OSBP2: variants seen among roughly 807,000 people sequenced by gnomAD.
OSBP2 encodes the protein oxysterol-binding protein 2.
A neutral mutation model predicts 96.0 loss-of-function variants in OSBP2; 66 were observed. The observed-to-expected ratio is 0.69, with a 90% CI of 0.56 to 0.84. OSBP2 has a LOEUF of 0.84. Ranked by LOEUF, OSBP2 falls within the 40% of genes least tolerant of loss-of-function variation. The probability of loss-of-function intolerance (pLI) is 0.00; values close to 1 mark genes in which losing one functional copy is unlikely to be tolerated. For synonymous variants in OSBP2, 525 were observed against 520.9 expected (o/e 1.01, Z -0.11); for missense variants, 1,038 against 1,222.7 (o/e 0.85, Z 2.25).
At chr22:30,696,426 A>C (rs964042993) in intron 1 of OSBP2, among the ~76,000 whole-genome samples, 2 of 152,130 alleles carry the variant, frequency 1.3e-5, no homozygotes, top group African/African-American at 4.8e-5. Flanking sequence ...GGGCCTCCCC[A>C]ATGAATTTCT....
At position 30,905,974 on chromosome 22, in the gene OSBP2, A is replaced by G. The variant is rs1429816607; in HGVS notation, c.2513A>G (p.Asn838Ser). The G allele has an allele frequency of 1.2e-6, 2 of 1,607,968 alleles. No individual in the cohort carries two copies. The highest frequency in any genetic ancestry group is 1.7e-5 in the Admixed American group (1 of 59,158). The change falls in exon 13 of 14, where the codon AAT becomes AGT. Residue 838 changes from asparagine to serine, a missense_variant. Transcript: ENST00000332585. ...LMEKGRWDEA[N>S]TEKQRLEEKQ... is the part of the protein sequence containing the mutation. The stretch of plus-strand genomic sequence containing the variant: ...GAGAAGGGCCGTTGGGACGAGGCCA[A>G]TACCGAGAAGCAGCGGCTGGAGGAG...
intron 1 of OSBP2, among the ~76,000 whole-genome samples, chr22:30,697,581 CA>C (rs1367134266): frequency 6.6e-6 from 1 of 152,220 alleles, no homozygotes; most frequent in Admixed American, 6.5e-5. Context: ...GTTGACATTT[CA>C]GAGTGATCTC....
chr22:30,778,523 G>A (rs1370036923), intron 2 of OSBP2, among the ~76,000 whole-genome samples: 1 of 152,102 alleles, frequency 6.6e-6, no homozygotes, highest in Admixed American at 6.6e-5. Flanking sequence ...GTTATGGCCT[G>A]TTATAACACC....
rs371575737 is a variant in OSBP2, at chr22:30,718,074, T to A, written c.644+22521T>A. ...AGCTAGGAGGTGTGTCTTCCTGTTG[T>A]GATGGCAGAAGTACAGGAGGGTAAT... On this transcript the variant is annotated intron_variant, in intron 1 of 13. Transcript: ENST00000332585. Among the ~76,000 whole-genome samples the A allele has an allele frequency of 5.9e-5, 9 of 152,258 alleles. No homozygotes were observed. In the South Asian group the frequency reaches 1.9e-3, roughly 32 times the overall value.
intron 2 of OSBP2, among the ~76,000 whole-genome samples, chr22:30,749,726 A>G (rs2090049813): frequency 6.6e-6 from 1 of 151,182 alleles, no homozygotes; most frequent in South Asian, 2.1e-4. Context: ...TCCTGCCTCA[A>G]CCCTCCAAGT....
At chr22:30,869,375 C>A (rs2039412841) in intron 2 of OSBP2, among the ~76,000 whole-genome samples, 1 of 152,364 alleles carries the variant, frequency 6.6e-6, no homozygotes, top group South Asian at 2.1e-4. Flanking sequence ...CCCTGCAAGG[C>A]CATTGAGGGG....
intron 12 of OSBP2, among the ~76,000 whole-genome samples, chr22:30,897,231 A>C (rs2040085851): frequency 6.6e-6 from 1 of 152,258 alleles, no homozygotes; most frequent in Non-Finnish European, 1.5e-5. Context: ...ACATATTGAT[A>C]CTTAAGGAAG....
chr22:30,846,817 T>C (rs2038880873), intron 2 of OSBP2, among the ~76,000 whole-genome samples: 1 of 152,216 alleles, frequency 6.6e-6, no homozygotes, highest in Admixed American at 6.5e-5. Context: ...TGTGTTATAC[T>C]TTTTATGTAT....
Position 30,890,802 on chromosome 22 carries a change from G to C in OSBP2, c.1698G>C (p.Lys566Asn), listed in dbSNP as rs1163326015. ...TGGAGTACCACCACCTGCTGGACAA[G>C]GCAGTGCACTGCACCAGCTCAGTGG... ...EDLEYHHLLD[K>N]AVHCTSSVEQ... Residue 566 changes from lysine to asparagine, a missense_variant, in exon 8 of 14, where the codon AAG (lysine) becomes AAC (asparagine). By Grantham distance (94) the Lys-to-Asn change is moderately conservative. Transcript: ENST00000332585. This position sits in a 1 kb window ranked among gnomAD's most constrained non-coding sequence, Gnocchi z 4.4. 6.2e-7 allele frequency: 1 copy of C among 1,613,504 alleles called. No homozygotes were observed. The highest frequency in any genetic ancestry group is 8.5e-7 in the Non-Finnish European group (1 of 1,180,014).
chr22:30,778,412 G>GT (rs2090467446), intron 2 of OSBP2, among the ~76,000 whole-genome samples: 2 of 151,862 alleles, frequency 1.3e-5, no homozygotes, highest in African/African-American at 4.8e-5. Flanking sequence ...CTGCTCTTCA[G>GT]TTTTTGTTGT....
Position 30,871,137 on chromosome 22 carries a change from G to A in OSBP2, c.1107+455G>A, listed in dbSNP as rs2039449594. 6.6e-6 allele frequency among the ~76,000 whole-genome samples: 1 copy of A among 152,102 alleles called. No individual in the cohort carries two copies. The highest frequency in any genetic ancestry group is 2.4e-5 in the African/African-American group (1 of 41,408). On this transcript the variant is annotated intron_variant, in intron 3 of 13. Transcript: ENST00000332585. This position sits in a 1 kb window ranked among gnomAD's most constrained non-coding sequence, Gnocchi z 4.7. ...CAACAAGGGGAGGGTGTGGTGGGGG[G>A]CTGCAGTCGAGGGCTCCCTGAGCTA...
At chr22:30,710,014 C>G (rs908625983) in intron 1 of OSBP2, among the ~76,000 whole-genome samples, 8 of 151,962 alleles carry the variant, frequency 5.3e-5, no homozygotes, top group Non-Finnish European at 1.0e-4. Flanking sequence ...TCCCGAGTAG[C>G]TGGAATTATG....
chr22:30,865,218 G>C (rs1368907441), intron 2 of OSBP2, among the ~76,000 whole-genome samples: 2 of 152,148 alleles, frequency 1.3e-5, no homozygotes, highest in Non-Finnish European at 2.9e-5. Flanking sequence ...TCCTCAGCCA[G>C]AGCCACCTAT....
intron 2 of OSBP2, among the ~76,000 whole-genome samples, chr22:30,858,914 A>ATAATAAT (rs201632027): frequency 6.8e-6 from 1 of 146,582 alleles, no homozygotes; most frequent in African/African-American, 2.5e-5. Flanking sequence ...AATAATAATA[A>ATAATAAT]AAGCATTCCC....
chr22:30,769,260 C>T (rs1327346097), intron 2 of OSBP2, among the ~76,000 whole-genome samples: 1 of 152,208 alleles, frequency 6.6e-6, no homozygotes, highest in East Asian at 1.9e-4. Context: ...ACAAGGCCCT[C>T]TCCCTCTCTA....
intron 12 of OSBP2, among the ~76,000 whole-genome samples, chr22:30,900,987 T>C (rs2040180810): frequency 6.6e-6 from 1 of 152,212 alleles, no homozygotes; most frequent in Non-Finnish European, 1.5e-5. Context: ...AATCATAATA[T>C]CTACCTACAC....
At chr22:30,894,045 G>A in intron 12 of OSBP2, 44 bp downstream of exon 12, 3 of 1,537,336 alleles carry the variant, frequency 2.0e-6, no homozygotes, top group African/African-American at 2.7e-5. Context: ...AAAGGAGAGG[G>A]AAGGAGGACA....
intron 2 of OSBP2, among the ~76,000 whole-genome samples, chr22:30,786,623 T>C (rs2090593796): frequency 6.6e-6 from 1 of 150,386 alleles, no homozygotes; most frequent in Non-Finnish European, 1.5e-5. Context: ...TTGTTGAAGA[T>C]AGGAGGAGTA....
In OSBP2 at chr22:30,893,835, G is replaced by GACAGCCAGGGCAAGGCCCATTACGTGCT; in HGVS notation, c.2210_2237dup (p.Ser747GlnfsTer15). 1 of 1,590,756 alleles carries GACAGCCAGGGCAAGGCCCATTACGTGCT rather than the reference G, an allele frequency of 6.3e-7. No individual in the cohort carries two copies. Among genetic ancestry groups the GACAGCCAGGGCAAGGCCCATTACGTGCT allele is most frequent in the Non-Finnish European group, 8.6e-7 (1 of 1,168,420 alleles). On this transcript the variant is annotated frameshift_variant, in exon 12 of 14. Coordinates refer to ENST00000332585, the MANE Select transcript of OSBP2 (RefSeq NM_030758.4). LOFTEE classifies it high-confidence loss of function. ...TCCACAGGTGACAGGAGTGGTGAGTGACAGCCAGGGCAAGGCCCATTACGT... is the reference window on the plus strand; with the variant it reads ...TCCACAGGTGACAGGAGTGGTGAGTGACAGCCAGGGCAAGGCCCATTACGTGCTACAGCCAGGGCAAGGCCCATTACGT...
Sources: allele counts gnomAD v4.1 joint callset (sites outside exome capture counted in the v4.1 genomes callset), GRCh38; gene constraint gnomAD v4.1.1; non-coding constraint Gnocchi (gnomAD v3.1); transcripts MANE v1.5; gene names NCBI Gene and HGNC (gene_info 2026-07-23, HGNC 2026-07-21).